The following DPY19L1 variants were observed in gnomAD, a reference collection of about 807,000 sequenced individuals.
The protein encoded by DPY19L1 is dpy-19 like C-mannosyltransferase 1, also known as protein C-mannosyl-transferase DPY19L1.
Under a neutral mutation model 96.9 loss-of-function variants are expected in DPY19L1, and 35 were observed. That is an observed-to-expected ratio of 0.36 (90% CI 0.28 to 0.48). DPY19L1 has a LOEUF of 0.48. Ranked by LOEUF, DPY19L1 falls within the 20% of genes least tolerant of loss-of-function variation. DPY19L1 has a pLI of 0.99. For synonymous variants in DPY19L1, 205 were observed against 252.6 expected, an observed-to-expected ratio of 0.81 and a Z score of 1.79; for missense variants, 521 against 777.9, an observed-to-expected ratio of 0.67 and a Z score of 3.93.
At chr7:34,987,918 C>T (rs1355161594) in intron 7 of DPY19L1, 4 of 151,936 alleles carry the variant, frequency 2.6e-5, no homozygotes, top group Admixed American at 6.6e-5. Flanking sequence ...AAATTATCTA[C>T]TTGACTATTT....
In DPY19L1 at chr7:34,963,352, T is replaced by C. The variant is rs983130043; in HGVS notation, c.1092+3542A>G. 5.3e-5 allele frequency among the ~76,000 whole-genome samples: 8 copies of C among 152,144 alleles called. No individual in the cohort carries two copies. The South Asian group carries it at 8.3e-4, about 16-fold the overall frequency. On this transcript the variant is annotated intron_variant, in intron 10 of 21. Transcript: ENST00000638088. Reference sequence around the variant, plus strand: ...CAGAAAATAAATGTTGGTGATTACATGGAGAAAATAGAACCTCGTGCACTG... The same window carrying C: ...CAGAAAATAAATGTTGGTGATTACACGGAGAAAATAGAACCTCGTGCACTG...
chr7:35,000,786 A>G (rs1257244040), intron 6 of DPY19L1: 1 of 152,244 alleles, frequency 6.6e-6, no homozygotes, highest in African/African-American at 2.4e-5. Flanking sequence ...TCTTAGTGTC[A>G]TGTATCTTTA....
chr7:34,997,915 C>T (rs1211855081), intron 6 of DPY19L1, among the ~76,000 whole-genome samples: 7 of 152,022 alleles, frequency 4.6e-5, no homozygotes, highest in African/African-American at 9.7e-5. Flanking sequence ...GGTTGGATCA[C>T]GGGAAGAGAA....
chr7:34,970,630 T>C (rs1287651800), intron 8 of DPY19L1, among the ~76,000 whole-genome samples: 1 of 152,128 alleles, frequency 6.6e-6, no homozygotes, highest in Non-Finnish European at 1.5e-5. Context: ...ATAAAGCATT[T>C]CTCTACTGCT....
At chr7:34,966,551 A>G (rs898136398) in intron 10 of DPY19L1, among the ~76,000 whole-genome samples, 41 of 152,248 alleles carry the variant, frequency 2.7e-4, no homozygotes, top group Non-Finnish European at 5.6e-4. Context: ...TGGCCTCTCA[A>G]AAGTGTTGGG....
In DPY19L1 at chr7:34,931,433, T is replaced by C. The variant is rs1783749891; in HGVS notation, c.*140A>G. ...AGTCATTTTTATAATTAGAATGACA[T>C]TCAAATTGACCAAATAAAACGTTTT... On this transcript the variant is annotated 3_prime_UTR_variant, in exon 22 of 22. Coordinates refer to ENST00000638088, the MANE Select transcript of DPY19L1 (RefSeq NM_001366673.1). The C allele has an allele frequency of 4.2e-6, 5 of 1,188,324 alleles. No homozygotes were observed. Among genetic ancestry groups the C allele is most frequent in the Non-Finnish European group, 5.6e-6 (5 of 896,812 alleles). 73.6% of individuals were successfully genotyped at this position (1,188,324 alleles called of 1,614,324 possible).
At chr7:35,000,853 A>T (rs1785409153) in intron 6 of DPY19L1, among the ~76,000 whole-genome samples, 1 of 152,250 alleles carries the variant, frequency 6.6e-6, no homozygotes, top group African/African-American at 2.4e-5. Flanking sequence ...TTGGCAATGA[A>T]ATAAACACTT....
intron 9 of DPY19L1, among the ~76,000 whole-genome samples, chr7:34,968,518 C>T (rs868370433): frequency 3.3e-5 from 5 of 152,068 alleles, no homozygotes; most frequent in African/African-American, 7.2e-5. Context: ...CGCCTGTAAT[C>T]GCAGCACTTT....
chr7:34,947,360 G>A (rs1784170208), intron 15 of DPY19L1, among the ~76,000 whole-genome samples: 2 of 152,132 alleles, frequency 1.3e-5, no homozygotes, highest in Admixed American at 1.3e-4. Flanking sequence ...TTGTATCTGG[G>A]TCAATATGGT....
chr7:35,018,453 A>G, intron 2 of DPY19L1, 119 bp downstream of exon 2: 1 of 864,374 alleles, frequency 1.2e-6, no homozygotes, highest in South Asian at 1.6e-5. Flanking sequence ...CTATTGTGTT[A>G]CATGTAATAT....
intron 10 of DPY19L1, 43 bp downstream of exon 10, chr7:34,966,851 T>C: frequency 2.8e-6 from 4 of 1,454,138 alleles, no homozygotes; most frequent in Non-Finnish European, 3.7e-6. Context: ...ATCAGGAGTT[T>C]TAAGGGCAAA....
chr7:35,014,436 A>G (rs572238690), intron 3 of DPY19L1, among the ~76,000 whole-genome samples: 14 of 152,010 alleles, frequency 9.2e-5, no homozygotes, highest in African/African-American at 3.4e-4. Flanking sequence ...CCTAACGGAG[A>G]GTCTAAGTGG....
At chr7:35,033,877 C>T (rs1361508424) in intron 1 of DPY19L1, among the ~76,000 whole-genome samples, 2 of 151,650 alleles carry the variant, frequency 1.3e-5, no homozygotes, top group Non-Finnish European at 2.9e-5. Flanking sequence ...GAGACATTTT[C>T]GTTGTCACTA....
At chr7:34,997,138 G>A (rs1785304777) in intron 6 of DPY19L1, among the ~76,000 whole-genome samples, 1 of 151,960 alleles carries the variant, frequency 6.6e-6, no homozygotes, top group South Asian at 2.1e-4. Context: ...CATAAAAAGG[G>A]GAAGGTTTTG....
chr7:34,999,184 TAA>T (rs1785366843), intron 6 of DPY19L1, among the ~76,000 whole-genome samples: 1 of 152,142 alleles, frequency 6.6e-6, no homozygotes, highest in Admixed American at 6.5e-5. Flanking sequence ...TTTACGGGAC[TAA>T]AGAGAGAAAG....
intron 6 of DPY19L1, among the ~76,000 whole-genome samples, chr7:35,002,109 G>A (rs1224695264): frequency 7.2e-6 from 1 of 137,994 alleles, no homozygotes; most frequent in Non-Finnish European, 1.5e-5. Context: ...CCTGGTAACA[G>A]AGCGAGACTC....
At chr7:34,992,227 T>A (rs1210474809) in intron 6 of DPY19L1, among the ~76,000 whole-genome samples, 1 of 152,208 alleles carries the variant, frequency 6.6e-6, no homozygotes, top group East Asian at 1.9e-4. Context: ...GCAGTAGCAT[T>A]TTAGTGTTTT....
intron 14 of DPY19L1, among the ~76,000 whole-genome samples, chr7:34,949,350 C>T (rs1363003584): frequency 2.0e-5 from 3 of 152,134 alleles, no homozygotes; most frequent in African/African-American, 4.8e-5. Flanking sequence ...TCACAATCCA[C>T]TAAACTACTC....
chr7:34,969,384 A>G, intron 9 of DPY19L1, 49 bp downstream of exon 9: 1 of 1,081,098 alleles, frequency 9.2e-7, no homozygotes, highest in Non-Finnish European at 1.3e-6. Context: ...ATGAGCTCAC[A>G]TAGTCAAACA....
Sources: allele counts gnomAD v4.1 joint callset (sites outside exome capture counted in the v4.1 genomes callset), GRCh38; gene constraint gnomAD v4.1.1; transcripts MANE v1.5; gene names NCBI Gene and HGNC (gene_info 2026-07-23, HGNC 2026-07-21).